The following STAU2 variants were observed in gnomAD, a reference collection of about 807,000 sequenced individuals.
The protein encoded by STAU2 is staufen double-stranded RNA binding protein 2, also known as double-stranded RNA-binding protein Staufen homolog 2.
A neutral mutation model predicts 65.9 loss-of-function variants in STAU2; 20 were observed. The observed-to-expected ratio is 0.30, with a 90% CI of 0.21 to 0.44. STAU2 has a LOEUF of 0.44. Ranked by LOEUF, STAU2 falls within the 20% of genes least tolerant of loss-of-function variation. The probability of loss-of-function intolerance (pLI) is 1.00; values close to 1 mark genes in which losing one functional copy is unlikely to be tolerated. For synonymous variants in STAU2, 232 were observed against 233.9 expected (o/e 0.99, Z 0.07); for missense variants, 558 against 683.9 (o/e 0.82, Z 2.05).
chr8:73,604,183 A>G (rs1811844753), intron 9 of STAU2, among the ~76,000 whole-genome samples: 1 of 152,146 alleles, frequency 6.6e-6, no homozygotes, highest in Non-Finnish European at 1.5e-5. Context: ...AAGAAGACCA[A>G]CCATGAACTG....
At chr8:73,533,913 C>T (rs1806006657) in intron 13 of STAU2, among the ~76,000 whole-genome samples, 1 of 152,180 alleles carries the variant, frequency 6.6e-6, no homozygotes, top group East Asian at 1.9e-4. Context: ...CTTGATGTTG[C>T]ATGACTACTA....
chr8:73,622,744 C>T (rs1281157621), intron 6 of STAU2, among the ~76,000 whole-genome samples: 1 of 152,162 alleles, frequency 6.6e-6, no homozygotes, highest in African/African-American at 2.4e-5. Context: ...GCTGCTGAAA[C>T]AAACAGACAA....
At chr8:73,618,766 G>C (rs1220305918) in intron 6 of STAU2, among the ~76,000 whole-genome samples, 2 of 152,244 alleles carry the variant, frequency 1.3e-5, no homozygotes, top group African/African-American at 2.4e-5. Flanking sequence ...GCCTGAACTA[G>C]GGTGTAGCAA....
chr8:73,644,490 A>C lies in STAU2; in HGVS notation c.411-27039T>G, dbSNP rs139886293. 2.0e-5 allele frequency among the ~76,000 whole-genome samples: 3 copies of C among 151,480 alleles called. No individual in the cohort carries two copies. In the East Asian group the frequency reaches 5.8e-4, roughly 29 times the overall value. ...TGAAGAATGGTCTGAGAAAAAAAAG[A>C]AAGAAAAGACGAAACGTTTCAAATA... On this transcript the variant is annotated intron_variant, in intron 6 of 14. Transcript: ENST00000524300.
At chr8:73,440,989 C>G (rs1818087877) in intron 13 of STAU2, 1 of 152,308 alleles carries the variant, frequency 6.6e-6, no homozygotes, top group African/African-American at 2.4e-5. Context: ...CAAGGACTTT[C>G]CTGTGCTTTT....
chr8:73,569,117 GCGCTTTTC>G lies in STAU2; in HGVS notation c.1222+13645_1222+13652del, dbSNP rs1334308608. ...ATCAGGACACCGCCACCCTAATACT[GCGCTTTTC>G]CAACGGTCTTAGCAAACGGCACACC... On this transcript the variant is annotated intron_variant, in intron 12 of 14. Transcript: ENST00000524300. 2.0e-5 allele frequency among the ~76,000 whole-genome samples: 3 copies of G among 152,074 alleles called. No individual in the cohort carries two copies. The East Asian group carries it at 5.8e-4, about 29-fold the overall frequency.
chr8:73,585,256 G>A (rs1489637344), intron 11 of STAU2, among the ~76,000 whole-genome samples: 6 of 152,334 alleles, frequency 3.9e-5, no homozygotes, highest in East Asian at 3.9e-4. Flanking sequence ...CGAGGCGAGC[G>A]GCTCACCTGA....
chr8:73,502,719 T>C (rs1365957186), intron 13 of STAU2, among the ~76,000 whole-genome samples: 1 of 152,106 alleles, frequency 6.6e-6, no homozygotes, highest in Non-Finnish European at 1.5e-5. Context: ...CTTAAGCATT[T>C]TGCTTATATA....
intron 13 of STAU2, among the ~76,000 whole-genome samples, chr8:73,516,372 TTTTCACATATTAAATTATGTGAAATTAAA>T (rs1344994933): frequency 2.1e-4 from 32 of 152,196 alleles, no homozygotes; most frequent in Middle Eastern, 6.8e-3. Context: ...TAAAATTTAA[TTTTCACATATTAAATTATGTGAAATTAAA>T]TTTCACATAT....
intron 4 of STAU2, among the ~76,000 whole-genome samples, chr8:73,699,083 T>TG (rs1420604441): frequency 6.6e-6 from 1 of 152,002 alleles, no homozygotes; most frequent in African/African-American, 2.4e-5. Flanking sequence ...AATATGCTCC[T>TG]GAATGACCAT....
At chr8:73,676,498 G>C (rs752369198) in intron 5 of STAU2, among the ~76,000 whole-genome samples, 3 of 152,216 alleles carry the variant, frequency 2.0e-5, no homozygotes, top group Non-Finnish European at 4.4e-5. Context: ...AAACTTGTAA[G>C]AGACACAGGT....
intron 3 of STAU2, among the ~76,000 whole-genome samples, chr8:73,730,522 T>C (rs1412304187): frequency 6.6e-6 from 1 of 151,704 alleles, no homozygotes; most frequent in Non-Finnish European, 1.5e-5. Flanking sequence ...AGGTCAGGAG[T>C]CTGAGACCAG....
chr8:73,653,763 T>C, intron 6 of STAU2: 1 of 246,844 alleles, frequency 4.1e-6, no homozygotes, highest in Non-Finnish European at 7.9e-6. Flanking sequence ...TAGGAACCAC[T>C]TAGGTAAACA....
rs974948501 is a variant in STAU2, at chr8:73,640,806, A to C, written c.411-23355T>G. Among the ~76,000 whole-genome samples, 3 of 152,212 alleles carry C rather than the reference A, an allele frequency of 2.0e-5. No individual in the cohort carries two copies. In the East Asian group the frequency reaches 5.8e-4, roughly 29 times the overall value. On this transcript the variant is annotated intron_variant, in intron 6 of 14. Coordinates refer to ENST00000524300, the MANE Select transcript of STAU2 (RefSeq NM_001164380.2). ...AAATACTTTCCAAACATTCTTTCTA[A>C]TAACTGAATATCAATAATGTTGCAT...
At chr8:73,559,032 A>T (rs1807996323) in intron 12 of STAU2, among the ~76,000 whole-genome samples, 1 of 152,210 alleles carries the variant, frequency 6.6e-6, no homozygotes, top group South Asian at 2.1e-4. Flanking sequence ...GAACAACAGC[A>T]TGATTATCTG....
At chr8:73,615,611 G>T in intron 8 of STAU2, 64 bp downstream of exon 8, 2 of 1,256,886 alleles carry the variant, frequency 1.6e-6, no homozygotes, top group South Asian at 2.5e-5. Context: ...CAGTTAATTT[G>T]ATTTGTTTGT....
At chr8:73,654,290 A>C (rs1482425398) in intron 6 of STAU2, among the ~76,000 whole-genome samples, 1 of 152,118 alleles carries the variant, frequency 6.6e-6, no homozygotes, top group Admixed American at 6.6e-5. Context: ...GAAAAGAAAA[A>C]TAAGATTTCA....
intron 13 of STAU2, among the ~76,000 whole-genome samples, chr8:73,435,827 T>C (rs982284488): frequency 1.8e-4 from 28 of 151,826 alleles, no homozygotes; most frequent in South Asian, 2.1e-4. Flanking sequence ...GACTCCACAA[T>C]TGGGGTTTTG....
intron 13 of STAU2, among the ~76,000 whole-genome samples, chr8:73,434,501 G>T (rs545542856): frequency 6.6e-6 from 1 of 151,908 alleles, no homozygotes; most frequent in East Asian, 1.9e-4. Context: ...TTGGCATGTG[G>T]AGTCTGTTAG....
Sources: allele counts gnomAD v4.1 joint callset (sites outside exome capture counted in the v4.1 genomes callset), GRCh38; gene constraint gnomAD v4.1.1; transcripts MANE v1.5; gene names NCBI Gene and HGNC (gene_info 2026-07-23, HGNC 2026-07-21).